Variants in KCNB2 observed in about 807,000 individuals in gnomAD.
KCNB2 encodes the protein delayed rectifier potassium channel protein.
In KCNB2, 15 loss-of-function variants were observed where a neutral mutation model predicts 61.5. That is an observed-to-expected ratio of 0.24 (90% CI 0.16 to 0.38). The LOEUF (loss-of-function observed/expected upper bound fraction) is 0.38. Among genes scored for constraint, KCNB2 ranks in the 10% least tolerant of loss-of-function variants. The pLI is 1.00. For missense variants in KCNB2, 828 were observed against 1,125.2 expected (o/e 0.74, Z 3.78); for synonymous variants, 457 against 446.0 (o/e 1.02, Z -0.31).
chr8:72,749,802 TATATA>T (rs990499828), intron 2 of KCNB2, among the ~76,000 whole-genome samples: 35 of 146,792 alleles, frequency 2.4e-4, no homozygotes, highest in South Asian at 1.5e-3. Context: ...ATATATATAA[TATATA>T]ATATAATTAT....
chr8:72,545,851 G>A (rs1806249851), intron 1 of KCNB2, among the ~76,000 whole-genome samples: 1 of 152,160 alleles, frequency 6.6e-6, no homozygotes, highest in Non-Finnish European at 1.5e-5. Flanking sequence ...TTACTCCAAT[G>A]AATACATGAA....
intron 2 of KCNB2, among the ~76,000 whole-genome samples, chr8:72,711,481 G>T (rs755279798): frequency 7.2e-5 from 11 of 152,282 alleles, no homozygotes; most frequent in Middle Eastern, 3.4e-3. Flanking sequence ...AATAAGGTCT[G>T]CAATAAAGGA....
chr8:72,872,591 A>G (rs1478781869), intron 2 of KCNB2, among the ~76,000 whole-genome samples: 1 of 152,206 alleles, frequency 6.6e-6, no homozygotes, highest in Non-Finnish European at 1.5e-5. Flanking sequence ...TTTCTGTCCT[A>G]AAAATCACCA....
rs534223215 is a variant in KCNB2 at position 72,788,302 on chromosome 8, T to C, written c.580-147633T>C. Among the ~76,000 whole-genome samples the C allele has an allele frequency of 9.9e-5, 15 of 152,192 alleles. No homozygotes were observed. The East Asian group carries it at 1.5e-3, about 16-fold the overall frequency. ...GTCCAAAATCAAGGTACCAGCAGGA[T>C]TGGTTTCTAGTGAAGTGTTTCTCCT... On this transcript the variant is annotated intron_variant, in intron 2 of 2. Coordinates refer to ENST00000523207, the MANE Select transcript of KCNB2 (RefSeq NM_004770.3).
intron 2 of KCNB2, among the ~76,000 whole-genome samples, chr8:72,906,357 A>C (rs1278552847): frequency 6.6e-6 from 1 of 152,238 alleles, no homozygotes; most frequent in Non-Finnish European, 1.5e-5. Flanking sequence ...GGCTAGTATC[A>C]AAAACACTTC....
intron 2 of KCNB2, among the ~76,000 whole-genome samples, chr8:72,866,231 C>T (rs1233350805): frequency 1.3e-5 from 2 of 152,190 alleles, no homozygotes; most frequent in Non-Finnish European, 2.9e-5. Flanking sequence ...TTGCTCTTCC[C>T]AATGTGTGTG....
At chr8:72,656,960 G>T (rs1336690848) in intron 2 of KCNB2, among the ~76,000 whole-genome samples, 1 of 152,094 alleles carries the variant, frequency 6.6e-6, no homozygotes, top group Admixed American at 6.6e-5. Flanking sequence ...CCATATGTGG[G>T]ATGGAAGTCC....
chr8:72,922,599 C>T (rs947584026), intron 2 of KCNB2, among the ~76,000 whole-genome samples: 2 of 152,218 alleles, frequency 1.3e-5, no homozygotes, highest in Non-Finnish European at 2.9e-5. Context: ...ATGCTCTCTT[C>T]AGCCTGTCTT....
At position 72,827,164 on chromosome 8, in the gene KCNB2, C is replaced by T. The variant is rs185524709; in HGVS notation, c.580-108771C>T. The stretch of plus-strand genomic sequence containing the variant: ...TTGACCTTCATATGATGGCTGAGGG[C>T]TGGGGAAGCTGGCTATTAGTAAAAC... On this transcript the variant is annotated intron_variant, in intron 2 of 2. Transcript: ENST00000523207. Among the ~76,000 whole-genome samples, 30 of 152,144 alleles carry T rather than the reference C, an allele frequency of 2.0e-4. No individual in the cohort carries two copies. In the East Asian group the frequency reaches 2.3e-3, roughly 12 times the overall value.
chr8:72,725,484 C>A (rs561214508), intron 2 of KCNB2, among the ~76,000 whole-genome samples: 4 of 142,804 alleles, frequency 2.8e-5, no homozygotes, highest in Non-Finnish European at 4.5e-5. Flanking sequence ...GGTGGACTGG[C>A]ATATTTGGCT....
chr8:72,675,801 C>G (rs1421623716), intron 2 of KCNB2, among the ~76,000 whole-genome samples: 3 of 152,144 alleles, frequency 2.0e-5, no homozygotes, highest in South Asian at 2.1e-4. Context: ...ATCCTCCCGC[C>G]TCGGCCTCCC....
At chr8:72,870,838 G>A (rs974780306) in intron 2 of KCNB2, among the ~76,000 whole-genome samples, 6 of 152,162 alleles carry the variant, frequency 3.9e-5, no homozygotes, top group Non-Finnish European at 5.9e-5. Context: ...TTTGCCAGGT[G>A]TGGTGCCATG....
chr8:72,916,827 C>A (rs1324464808), intron 2 of KCNB2, among the ~76,000 whole-genome samples: 2 of 152,216 alleles, frequency 1.3e-5, no homozygotes, highest in African/African-American at 4.8e-5. Context: ...AAAGCTACAT[C>A]ATCAAGTTGT....
At chr8:72,653,464 T>TG (rs2128986609) in intron 2 of KCNB2, among the ~76,000 whole-genome samples, 1 of 152,212 alleles carries the variant, frequency 6.6e-6, no homozygotes, top group South Asian at 2.1e-4. Context: ...TTATTTTTTT[T>TG]GTGACACTTT....
rs753211071 is a variant in KCNB2 at position 72,665,389 on chromosome 8, C to T, written c.579+97076C>T. Among the ~76,000 whole-genome samples, 9 of 152,154 alleles carry T rather than the reference C, an allele frequency of 5.9e-5. No individual in the cohort carries two copies. In the South Asian group the frequency reaches 6.2e-4, roughly 11 times the overall value. On this transcript the variant is annotated intron_variant, in intron 2 of 2. Transcript: ENST00000523207. The stretch of plus-strand genomic sequence containing the variant: ...TGAAGTGGGAAACTGCTGGGGAAGT[C>T]GGATGGGGAGGAAAGAACAGAGCAG...
intron 2 of KCNB2, chr8:72,661,414 C>T (rs2128987334): frequency 6.6e-6 from 1 of 152,318 alleles, no homozygotes; most frequent in Non-Finnish European, 1.5e-5. Flanking sequence ...TTTGTTATAT[C>T]CAATTCCACA....
At chr8:72,751,083 T>G (rs1428647613) in intron 2 of KCNB2, 1 of 152,044 alleles carries the variant, frequency 6.6e-6, no homozygotes, top group Non-Finnish European at 1.5e-5. Flanking sequence ...GCTTGAAGCT[T>G]GGTAGCAAGA....
Position 72,826,934 on chromosome 8 carries a change from T to C in KCNB2, c.580-109001T>C, listed in dbSNP as rs181274367. 5.3e-5 allele frequency among the ~76,000 whole-genome samples: 8 copies of C among 152,344 alleles called. No homozygotes were observed. The East Asian group carries it at 9.6e-4, about 18-fold the overall frequency. ...ATAGCATCTTTGTATTGCTTTTGCT[T>C]CTAAGTTTTCTGCCATATTTGTTTT... On this transcript the variant is annotated intron_variant, in intron 2 of 2. Transcript: ENST00000523207.
intron 2 of KCNB2, among the ~76,000 whole-genome samples, chr8:72,685,069 C>G (rs959452983): frequency 6.6e-6 from 1 of 152,148 alleles, no homozygotes; most frequent in South Asian, 2.1e-4. Flanking sequence ...TACAACAGGA[C>G]TTCATTGCTG....
Sources: gnomAD v4.1 joint callset for allele counts (sites outside exome capture counted in the v4.1 genomes callset) on GRCh38, gnomAD v4.1.1 for gene constraint, MANE v1.5 for transcripts, NCBI Gene and HGNC (gene_info 2026-07-23, HGNC 2026-07-21) for gene names.